Variants in FRMD3 observed in about 807,000 individuals in gnomAD.
FRMD3 encodes FERM domain containing 3.
Under a neutral mutation model 70.2 loss-of-function variants are expected in FRMD3, and 33 were observed. The observed-to-expected ratio is 0.47, with a 90% CI of 0.36 to 0.63. The LOEUF (loss-of-function observed/expected upper bound fraction) is 0.63. Among genes scored for constraint, FRMD3 ranks in the 20% least tolerant of loss-of-function variants. The probability of loss-of-function intolerance (pLI) is 0.00; values close to 1 mark genes in which losing one functional copy is unlikely to be tolerated. For missense variants in FRMD3, 632 were observed against 711.4 expected, an observed-to-expected ratio of 0.89 and a Z score of 1.27; for synonymous variants, 279 against 255.9, an observed-to-expected ratio of 1.09 and a Z score of -0.86.
At chr9:83,569,608 T>C in the FRMD3 span, among the ~76,000 whole-genome samples, 2 of 152,216 alleles carry the variant, frequency 1.3e-5, no homozygotes, top group Non-Finnish European at 2.9e-5. Flanking sequence ...TCTCTAAATT[T>C]AGCTGCTAGA....
At chr9:83,467,668 G>T in intron 1 of FRMD3, 7 of 1,535,266 alleles carry the variant, frequency 4.6e-6, no homozygotes, top group Non-Finnish European at 6.1e-6. Context: ...AGACAAAAAG[G>T]ATTTGCAGTG....
chr9:83,494,750 A>C (rs1012494523), intron 1 of FRMD3, among the ~76,000 whole-genome samples: 6 of 152,158 alleles, frequency 3.9e-5, no homozygotes, highest in African/African-American at 1.2e-4. Flanking sequence ...ACAACAACAA[A>C]AAAAATGTTT....
intron 13 of FRMD3, among the ~76,000 whole-genome samples, chr9:83,269,094 A>G (rs1441787913): frequency 6.6e-6 from 1 of 152,234 alleles, no homozygotes; most frequent in East Asian, 1.9e-4. Context: ...ATCACTGTTC[A>G]CAATAAATCA....
intron 13 of FRMD3, among the ~76,000 whole-genome samples, chr9:83,285,678 G>A (rs1834176503): frequency 6.6e-6 from 1 of 152,114 alleles, no homozygotes; most frequent in South Asian, 2.1e-4. Context: ...CTTCCATAAT[G>A]AGAACATATA....
rs754134406 is a variant in FRMD3, at chr9:83,298,829, G to A, written c.1002-13C>T. 1.2e-6 allele frequency: 2 copies of A among 1,613,290 alleles called. No individual in the cohort carries two copies. Among genetic ancestry groups the A allele is most frequent in the South Asian group, 2.2e-5 (2 of 91,078 alleles). ...GGCAACTTTCCCACTGCAAAAGACA[G>A]AAACACATGTGTATGCACACATAGT... On this transcript the variant is annotated splice_polypyrimidine_tract_variant and intron_variant, in intron 11 of 13. Coordinates refer to ENST00000304195, the MANE Select transcript of FRMD3 (RefSeq NM_174938.6).
At chr9:83,372,790 GCCCCCACACCC>G (rs1825018126) in intron 3 of FRMD3, 112 bp downstream of exon 3, 1 of 850,294 alleles carries the variant, frequency 1.2e-6, no homozygotes, top group African/African-American at 1.7e-5. Flanking sequence ...GGAGAGAGAA[GCCCCCACACCC>G]CCCAACACCT....
intron 6 of FRMD3, among the ~76,000 whole-genome samples, chr9:83,316,207 G>A (rs1327514595): frequency 1.6e-5 from 2 of 124,452 alleles, no homozygotes; most frequent in Non-Finnish European, 3.2e-5. Context: ...TGCCCAGGTT[G>A]GAGTGCAGTG....
At chr9:83,275,062 C>A (rs1833750714) in intron 13 of FRMD3, among the ~76,000 whole-genome samples, 1 of 152,120 alleles carries the variant, frequency 6.6e-6, no homozygotes, top group South Asian at 2.1e-4. Context: ...AAAAAGAAGT[C>A]ATGAGTGGAG....
Position 83,248,314 on chromosome 9 carries a change from G to A in FRMD3, c.1398C>T (p.Leu466=). The A allele has an allele frequency of 6.2e-7, 1 of 1,614,192 alleles. No homozygotes were observed. Among genetic ancestry groups the A allele is most frequent in the Non-Finnish European group, 8.5e-7 (1 of 1,180,030 alleles). The part of the protein sequence containing the change: ...TPVDDDEIDM[L]FDCPSRLELE... ...ACTCAAGCCTAGAAGGACAGTCAAA[G>A]AGCATGTCAATCTCATCGTCATCCA... The change falls in exon 14 of 14, where the codon CTC becomes CTT. Residue 466 remains leucine, a synonymous_variant. Transcript: ENST00000304195.
intron 1 of FRMD3, among the ~76,000 whole-genome samples, chr9:83,430,728 TAAAA>T (rs1028862513): frequency 1.3e-5 from 2 of 152,202 alleles, no homozygotes; most frequent in South Asian, 4.1e-4. Flanking sequence ...CTTCGATGTT[TAAAA>T]ACAGATGTTT....
At chr9:83,272,156 T>A (rs1833580700) in intron 13 of FRMD3, among the ~76,000 whole-genome samples, 1 of 151,544 alleles carries the variant, frequency 6.6e-6, no homozygotes, top group African/African-American at 2.4e-5. Context: ...GATGCCTAGC[T>A]GAAGCTGGAC....
chr9:83,289,996 T>C (rs1477405549), intron 13 of FRMD3, among the ~76,000 whole-genome samples: 1 of 152,170 alleles, frequency 6.6e-6, no homozygotes, highest in Admixed American at 6.5e-5. Context: ...CTTCACTTTT[T>C]TTTAGCTTGT....
rs1832024838 is a variant in FRMD3 at position 83,245,048 on chromosome 9, C to A, written c.*2870G>T. ...GCATTTATGGAAAATTTAACCCTTT[C>A]AGGCTGTGGGTTTTACCCACCATAG... On this transcript the variant is annotated 3_prime_UTR_variant, in exon 14 of 14. Transcript: ENST00000304195. 3 of 985,230 alleles carry A rather than the reference C, an allele frequency of 3.0e-6. No individual in the cohort carries two copies. The highest frequency in any genetic ancestry group is 9.4e-5 in the South Asian group (2 of 21,284). The allele number at this position is 985,230 out of a possible 1,614,324, so 61.0% of individuals were successfully genotyped here.
chr9:83,443,213 C>T (rs746686667), intron 1 of FRMD3, among the ~76,000 whole-genome samples: 2 of 152,150 alleles, frequency 1.3e-5, no homozygotes, highest in Non-Finnish European at 2.9e-5. Context: ...CATATGCATA[C>T]ATGTGCCATG....
chr9:83,360,545 C>T (rs370708718), intron 3 of FRMD3, among the ~76,000 whole-genome samples: 12 of 149,116 alleles, frequency 8.0e-5, no homozygotes, highest in African/African-American at 2.9e-4. Flanking sequence ...AGAAAGAATG[C>T]GGGCATTCCT....
chr9:83,580,004 G>A, the FRMD3 span, among the ~76,000 whole-genome samples: 33 of 152,130 alleles, frequency 2.2e-4, no homozygotes, highest in African/African-American at 7.0e-4. Context: ...GAAGACATAC[G>A]AATGGCCAAC....
intron 1 of FRMD3, among the ~76,000 whole-genome samples, chr9:83,419,283 A>T (rs1013738572): frequency 5.9e-5 from 9 of 152,186 alleles, no homozygotes; most frequent in African/African-American, 2.2e-4. Flanking sequence ...AAAAACTATT[A>T]AAAAATTTTT....
intron 1 of FRMD3, among the ~76,000 whole-genome samples, chr9:83,473,469 T>C (rs573817820): frequency 5.9e-5 from 9 of 152,380 alleles, no homozygotes; most frequent in Middle Eastern, 3.4e-3. Flanking sequence ...AATATTTCAA[T>C]GTTCATGTGT....
chr9:83,419,549 A>G (rs1217961495), intron 1 of FRMD3, among the ~76,000 whole-genome samples: 3 of 139,180 alleles, frequency 2.2e-5, no homozygotes, highest in Non-Finnish European at 3.2e-5. Context: ...AGTGTGTGAT[A>G]TGTGTGTGTT....
Sources: gnomAD v4.1 joint callset for allele counts (sites outside exome capture counted in the v4.1 genomes callset) on GRCh38, gnomAD v4.1.1 for gene constraint, MANE v1.5 for transcripts, NCBI Gene and HGNC (gene_info 2026-07-23, HGNC 2026-07-21) for gene names.